The following ZNF608 variants were observed in gnomAD, a reference collection of about 807,000 sequenced individuals.
ZNF608 encodes zinc finger protein 608.
A neutral mutation model predicts 109.0 loss-of-function variants in ZNF608; 12 were observed. The observed-to-expected ratio is 0.11, with a 90% confidence interval of 0.07 to 0.18. ZNF608 has a LOEUF of 0.18. Among genes scored for constraint, ZNF608 ranks in the 10% least tolerant of loss-of-function variants. The pLI, the probability that ZNF608 is intolerant of heterozygous loss-of-function variation, is 1.00. For missense variants in ZNF608, 1,707 were observed against 1,879.3 expected (o/e 0.91, Z 1.70); for synonymous variants, 732 against 717.4 (o/e 1.02, Z -0.33).
intron 2 of ZNF608, among the ~76,000 whole-genome samples, chr5:124,727,032 T>C (rs1748641326): frequency 1.3e-5 from 2 of 152,258 alleles, no homozygotes; most frequent in African/African-American, 4.8e-5. Context: ...GCCTCTACCC[T>C]GTAACAGAGC....
At position 124,692,039 on chromosome 5, in the gene ZNF608, T is replaced by C. The variant is rs534909580; in HGVS notation, c.1162+8975A>G. Among the ~76,000 whole-genome samples, 5 of 152,336 alleles carry C rather than the reference T, an allele frequency of 3.3e-5. No individual in the cohort carries two copies. The East Asian group carries it at 9.6e-4, about 29-fold the overall frequency. The stretch of plus-strand genomic sequence containing the variant: ...AATCTCCTAAAATGGCATGTATTCC[T>C]TTTATAATTGAAAAATAAAAACCGT... On this transcript the variant is annotated intron_variant, in intron 3 of 9. Transcript: ENST00000513986.
At chr5:124,693,699 T>TA (rs377049012) in intron 3 of ZNF608, among the ~76,000 whole-genome samples, 1 of 152,162 alleles carries the variant, frequency 6.6e-6, no homozygotes, top group African/African-American at 2.4e-5. Flanking sequence ...TGACAAGAGT[T>TA]AAAGTGACGG....
intron 2 of ZNF608, among the ~76,000 whole-genome samples, chr5:124,743,058 C>T (rs1749480783): frequency 6.6e-6 from 1 of 152,142 alleles, no homozygotes; most frequent in Non-Finnish European, 1.5e-5. Flanking sequence ...ACCTTCTGTT[C>T]CCAAACATTA....
chr5:124,648,601 T>C lies in ZNF608; in HGVS notation c.1783A>G (p.Ile595Val), dbSNP rs1294327576. The change falls in exon 5 of 10, where the codon ATC becomes GTC. Residue 595 changes from isoleucine to valine, a missense_variant. Coordinates refer to ENST00000513986, the MANE Select transcript of ZNF608 (RefSeq NM_020747.3). ...LEFEPDSEDK[I>V]SDCEEGLSNV... Reference sequence around the variant, plus strand: ...CTCAATCCTTCCTCACAGTCCGAGATCTTGTCCTCACTGTCAGGCTCGAAC... The same window carrying C: ...CTCAATCCTTCCTCACAGTCCGAGACCTTGTCCTCACTGTCAGGCTCGAAC... The C allele has an allele frequency of 6.2e-7, 1 of 1,614,228 alleles. No homozygotes were observed. Among genetic ancestry groups the C allele is most frequent in the Non-Finnish European group, 8.5e-7 (1 of 1,180,046 alleles).
intron 7 of ZNF608, among the ~76,000 whole-genome samples, 173 bp downstream of exon 7, chr5:124,643,338 T>C (rs1750332281): frequency 6.6e-6 from 1 of 152,202 alleles, no homozygotes; most frequent in Non-Finnish European, 1.5e-5. Flanking sequence ...TTTTCTCTCA[T>C]GTGTGAAAGC....
At chr5:124,646,211 A>G (rs190935805) in intron 5 of ZNF608, among the ~76,000 whole-genome samples, 4 of 152,204 alleles carry the variant, frequency 2.6e-5, no homozygotes, top group Admixed American at 2.6e-4. Context: ...AATACAAAAA[A>G]TTAGCCGGGC....
chr5:124,723,285 A>G (rs1026735971), intron 2 of ZNF608, among the ~76,000 whole-genome samples: 7 of 152,344 alleles, frequency 4.6e-5, no homozygotes, highest in Admixed American at 4.6e-4. Flanking sequence ...CTGGGATTAT[A>G]GGCGTGAGCC....
intron 3 of ZNF608, among the ~76,000 whole-genome samples, chr5:124,669,143 CAT>C (rs1751608066): frequency 6.6e-6 from 1 of 152,086 alleles, no homozygotes; most frequent in Non-Finnish European, 1.5e-5. Context: ...TAAATATGAC[CAT>C]AGACTTCCTG....
chr5:124,647,233 T>C lies in ZNF608; in HGVS notation c.3151A>G (p.Lys1051Glu), dbSNP rs149444271. The stretch of plus-strand genomic sequence containing the variant: ...AAGGATGCAGAATTGTGGTCCACTT[T>C]CTTAGAATCTAACTGCTCTGCCTTG... ...KDKAEQLDSK[K>E]VDHNSASLQP... The change falls in exon 5 of 10, where the codon AAA (lysine) becomes GAA (glutamate). Residue 1051 changes from lysine (K) to glutamate (E), a missense_variant. By Grantham distance (56) the Lys-to-Glu change is moderately conservative (BLOSUM62 1). Transcript: ENST00000513986. 15 of 1,614,102 alleles carry C rather than the reference T, an allele frequency of 9.3e-6. No individual in the cohort carries two copies. In the African/African-American group the frequency reaches 1.9e-4, roughly 20 times the overall value.
At position 124,647,342 on chromosome 5, in the gene ZNF608, G is replaced by A. The variant is rs772188100; in HGVS notation, c.3042C>T (p.Val1014=). 5 of 1,614,024 alleles carry A rather than the reference G, an allele frequency of 3.1e-6. No individual in the cohort carries two copies. The South Asian group carries it at 3.3e-5, about 11-fold the overall frequency. ...CACTATTTCCAGCTGCAGGGGCACC[G>A]ACCTGCCCAGGGTGCATGTAACTTG... ...YSPSYMHPGQ[V]GAPAAGNSGS... is the part of the protein sequence containing the mutation. Residue 1014 remains valine (V), a synonymous_variant, in exon 5 of 10, where the codon GTC becomes GTT. Coordinates refer to ENST00000513986, the MANE Select transcript of ZNF608 (RefSeq NM_020747.3).
intron 4 of ZNF608, 31 bp downstream of exon 4, chr5:124,649,579 G>T (rs369343605): frequency 1.9e-6 from 3 of 1,541,662 alleles, no homozygotes; most frequent in Non-Finnish European, 2.7e-6. Context: ...AGAGGATGGG[G>T]AAGGAGAGAA....
At chr5:124,639,090 A>G (rs1027999732) in intron 9 of ZNF608, 43 bp downstream of exon 9, 5 of 1,581,450 alleles carry the variant, frequency 3.2e-6, no homozygotes, top group Non-Finnish European at 4.3e-6. Flanking sequence ...AACCATTAAG[A>G]TATTTCTATC....
intron 3 of ZNF608, among the ~76,000 whole-genome samples, chr5:124,695,359 A>C (rs1261935656): frequency 6.6e-6 from 1 of 152,236 alleles, no homozygotes; most frequent in African/African-American, 2.4e-5. Context: ...AATTAATCAG[A>C]ATTTCAAAAG....
Position 124,701,149 on chromosome 5 carries a change from G to T in ZNF608, c.1027C>A (p.Leu343Ile). 6.2e-7 allele frequency: 1 copy of T among 1,614,094 alleles called. No homozygotes were observed. The highest frequency in any genetic ancestry group is 8.5e-7 in the Non-Finnish European group (1 of 1,180,014). The change falls in exon 3 of 10, where the codon CTT becomes ATT. Residue 343 changes from leucine to isoleucine, a missense_variant. Coordinates refer to ENST00000513986, the MANE Select transcript of ZNF608 (RefSeq NM_020747.3). ...SSNIAAPVEQ[L>I]LVRTRSVGVN... is the part of the protein sequence containing the mutation. ...CCCACAGAACGAGTCCGAACCAAAA[G>T]CTGTTCAACCGGTGCTGCAATATTG...
intron 3 of ZNF608, among the ~76,000 whole-genome samples, chr5:124,688,997 A>G (rs1420607879): frequency 6.6e-6 from 1 of 152,244 alleles, no homozygotes; most frequent in Non-Finnish European, 1.5e-5. Context: ...TACACCAATA[A>G]TAAGTAGAAT....
intron 2 of ZNF608, chr5:124,708,652 T>C: frequency 4.4e-6 from 2 of 450,424 alleles, no homozygotes; most frequent in Non-Finnish European, 8.9e-6. Context: ...ATCATCCAAT[T>C]CTAAAACTAC....
intron 3 of ZNF608, among the ~76,000 whole-genome samples, chr5:124,665,129 T>C (rs1355386130): frequency 6.6e-6 from 1 of 151,560 alleles, no homozygotes; most frequent in Non-Finnish European, 1.5e-5. Context: ...TGAGATGAGA[T>C]TGTGCCATTG....
rs774125321 is a variant in ZNF608, at chr5:124,646,905, G to A, written c.3479C>T (p.Pro1160Leu). 1.1e-5 allele frequency: 17 copies of A among 1,614,036 alleles called. No homozygotes were observed. Among genetic ancestry groups the A allele is most frequent in the African/African-American group, 2.7e-5 (2 of 74,994 alleles). ...SATISKAPSTPEPNKNHSKLG... is the reference protein window; with the variant it reads ...SATISKAPSTLEPNKNHSKLG... ...TTTAGAATGGTTTTTGTTAGGCTCC[G>A]GAGTAGAGGGAGCTTTTGAGATTGT... Residue 1160 changes from proline to leucine, a missense_variant, in exon 5 of 10, where the codon CCG (proline) becomes CTG (leucine). Pro to Leu is a moderately conservative substitution (Grantham distance 98, BLOSUM62 -3). Transcript: ENST00000513986.
intron 3 of ZNF608, among the ~76,000 whole-genome samples, chr5:124,676,860 T>G (rs1459802290): frequency 1.3e-5 from 2 of 152,194 alleles, no homozygotes; most frequent in Non-Finnish European, 2.9e-5. Context: ...CAATGCATTA[T>G]TTAGGAATTT....
Sources: allele counts gnomAD v4.1 joint callset (sites outside exome capture counted in the v4.1 genomes callset), GRCh38; gene constraint gnomAD v4.1.1; transcripts MANE v1.5; gene names NCBI Gene and HGNC (gene_info 2026-07-23, HGNC 2026-07-21).